STK31: variants seen among roughly 807,000 people sequenced by gnomAD.
STK31 encodes the protein serine/threonine kinase 31, also known as serine/threonine-protein kinase 31.
STK31 carries 89 observed loss-of-function variants against 129.7 expected under a neutral mutation model. The ratio of observed to expected loss-of-function variants is 0.69; its 90% CI spans 0.58 to 0.82. The LOEUF (loss-of-function observed/expected upper bound fraction) is 0.82. Ranked by LOEUF, STK31 falls within the 40% of genes least tolerant of loss-of-function variation. The pLI is 0.00. For missense variants in STK31, 1,187 were observed against 1,176.4 expected (o/e 1.01, Z -0.13); for synonymous variants, 448 against 395.3 (o/e 1.13, Z -1.58).
At chr7:23,729,974 G>T (rs1224019425) in intron 6 of STK31, among the ~76,000 whole-genome samples, 1 of 152,104 alleles carries the variant, frequency 6.6e-6, no homozygotes, top group African/African-American at 2.4e-5. Flanking sequence ...TATTATTTTG[G>T]CAGAGGCTCA....
At chr7:23,745,478 T>G (rs1760255217) in intron 8 of STK31, among the ~76,000 whole-genome samples, 1 of 152,196 alleles carries the variant, frequency 6.6e-6, no homozygotes, top group South Asian at 2.1e-4. Context: ...GAACATGTAC[T>G]TTGCTCTTAC....
chr7:23,815,159 CAGG>C lies in STK31; in HGVS notation c.2779_2781del (p.Glu927del). The C allele has an allele frequency of 6.2e-7, 1 of 1,600,344 alleles. No individual in the cohort carries two copies. Among genetic ancestry groups the C allele is most frequent in the Non-Finnish European group, 8.5e-7 (1 of 1,173,620 alleles). The stretch of plus-strand genomic sequence containing the variant: ...TCTTTCACAGCTTTCTGTTCAAAAT[CAGG>C]AGTTTGAGATAAATAAAGATGGAAT... On this transcript the variant is annotated inframe_deletion, in exon 23 of 24. Coordinates refer to ENST00000355870, the MANE Select transcript of STK31 (RefSeq NM_031414.5).
chr7:23,745,966 C>A (rs540923356), intron 8 of STK31, among the ~76,000 whole-genome samples: 1 of 152,118 alleles, frequency 6.6e-6, no homozygotes, highest in Non-Finnish European at 1.5e-5. Context: ...GTTCCTCTGC[C>A]GTAGGGAACA....
chr7:23,805,034 G>A (rs1446034908), intron 22 of STK31, among the ~76,000 whole-genome samples: 1 of 151,778 alleles, frequency 6.6e-6, no homozygotes, highest in Non-Finnish European at 1.5e-5. Flanking sequence ...GATAAGCTAT[G>A]GCCTGCCATT....
chr7:23,827,170 TG>T (rs1401146101), intron 23 of STK31, among the ~76,000 whole-genome samples: 1 of 152,250 alleles, frequency 6.6e-6, no homozygotes, highest in Non-Finnish European at 1.5e-5. Flanking sequence ...GAAGTTCTCC[TG>T]GATAATATGC....
intron 23 of STK31, among the ~76,000 whole-genome samples, chr7:23,830,720 A>C (rs1357539251): frequency 1.3e-5 from 2 of 151,718 alleles, no homozygotes; most frequent in Admixed American, 6.6e-5. Flanking sequence ...CATGGGTACA[A>C]GCAATTCTCC....
intron 22 of STK31, among the ~76,000 whole-genome samples, chr7:23,814,236 CT>C (rs1259691679): frequency 7.4e-6 from 1 of 135,236 alleles, no homozygotes; most frequent in African/African-American, 2.9e-5. Context: ...ACTAGTTTTT[CT>C]TCCTTTTTTA....
At chr7:23,734,849 C>T (rs1042666761) in intron 6 of STK31, among the ~76,000 whole-genome samples, 3 of 151,960 alleles carry the variant, frequency 2.0e-5, no homozygotes, top group Non-Finnish European at 2.9e-5. Context: ...CCAGTAGTCC[C>T]GGTTACTGGG....
chr7:23,790,806 A>G lies in STK31; in HGVS notation c.2638-18A>G. 1 of 1,577,330 alleles carries G rather than the reference A, an allele frequency of 6.3e-7. No individual in the cohort carries two copies. The highest frequency in any genetic ancestry group is 2.3e-5 in the East Asian group (1 of 43,742). On this transcript the variant is annotated intron_variant, in intron 21 of 23. Transcript: ENST00000355870. ...CAACTGTGTTGTATCTGAAATATGT[A>G]AAATATTGTTTTTGCAGAGTCAGCG...
At chr7:23,788,262 A>C (rs1229550897) in intron 21 of STK31, 133 bp downstream of exon 21, 11 of 766,390 alleles carry the variant, frequency 1.4e-5, no homozygotes, top group Non-Finnish European at 2.0e-5. Flanking sequence ...CATGTAGTAT[A>C]AGCAACTATT....
chr7:23,737,066 C>T lies in STK31; in HGVS notation c.1005C>T (p.Ala335=). ...TAGAATTGAAAGTAGAGCAGATTGCCCAGGAGCTGCAGGTATGTTCAGTGG... is the reference window on the plus strand; with the variant it reads ...TAGAATTGAAAGTAGAGCAGATTGCTCAGGAGCTGCAGGTATGTTCAGTGG... ...KALELKVEQI[A]QELQQEKAAA... is the part of the protein sequence containing the mutation. The change falls in exon 8 of 24, where the codon GCC becomes GCT. Residue 335 remains alanine (A), a synonymous_variant. Coordinates refer to ENST00000355870, the MANE Select transcript of STK31 (RefSeq NM_031414.5). 2 of 1,605,700 alleles carry T rather than the reference C, an allele frequency of 1.2e-6. No homozygotes were observed. The highest frequency in any genetic ancestry group is 1.1e-5 in the South Asian group (1 of 90,466).
chr7:23,829,461 A>G (rs1449041757), intron 23 of STK31, among the ~76,000 whole-genome samples: 1 of 152,214 alleles, frequency 6.6e-6, no homozygotes, highest in Non-Finnish European at 1.5e-5. Context: ...CCATCCTAGC[A>G]TCCCTGGGAT....
chr7:23,826,455 A>G (rs968889033), intron 23 of STK31, among the ~76,000 whole-genome samples: 6 of 151,980 alleles, frequency 3.9e-5, no homozygotes, highest in Admixed American at 3.9e-4. Context: ...TGCTTGGCAG[A>G]TCTTCCTCCA....
chr7:23,720,599 A>G (rs1251717613), intron 4 of STK31, among the ~76,000 whole-genome samples: 1 of 152,204 alleles, frequency 6.6e-6, no homozygotes, highest in East Asian at 1.9e-4. Flanking sequence ...GAAAATGTAA[A>G]GGGTCCATAC....
chr7:23,829,219 G>A (rs1794395364), intron 23 of STK31, among the ~76,000 whole-genome samples: 1 of 151,972 alleles, frequency 6.6e-6, no homozygotes, highest in Non-Finnish European at 1.5e-5. Context: ...CTAGAGGATT[G>A]CTTTTCTTTT....
chr7:23,733,775 C>G (rs1787564903), intron 6 of STK31, among the ~76,000 whole-genome samples: 1 of 151,854 alleles, frequency 6.6e-6, no homozygotes, highest in African/African-American at 2.4e-5. Context: ...CGCCACTGCA[C>G]TCCCACCTGG....
In STK31 at chr7:23,754,412, T is replaced by C. The variant is rs1788923425; in HGVS notation, c.1231T>C (p.Leu411=). 2 of 1,613,960 alleles carry C rather than the reference T, an allele frequency of 1.2e-6. No homozygotes were observed. The highest frequency in any genetic ancestry group is 1.7e-6 in the Non-Finnish European group (2 of 1,179,914). ...CFTTPASLNG[L]EIIWAEYSLA... is the part of the protein sequence containing the mutation. The stretch of plus-strand genomic sequence containing the variant: ...TACTACTCCAGCTTCTTTGAATGGA[T>C]TAGAGATAATATGGGCAGAATACAG... The change falls in exon 10 of 24, where the codon TTA becomes CTA. Residue 411 remains leucine, a synonymous_variant. Transcript: ENST00000355870.
intron 21 of STK31, 50 bp downstream of exon 21, chr7:23,788,179 T>A (rs1198461481): frequency 6.7e-7 from 1 of 1,502,550 alleles, no homozygotes; most frequent in Non-Finnish European, 8.9e-7. Flanking sequence ...TTTAATATTA[T>A]TAAGCAGTAG....
chr7:23,792,312 G>GT (rs1242740988), intron 22 of STK31, among the ~76,000 whole-genome samples: 2 of 152,050 alleles, frequency 1.3e-5, no homozygotes, highest in Non-Finnish European at 2.9e-5. Flanking sequence ...ATATAATTGT[G>GT]TTTTTATATA....
Sources: gnomAD v4.1 joint callset for allele counts (sites outside exome capture counted in the v4.1 genomes callset) on GRCh38, gnomAD v4.1.1 for gene constraint, MANE v1.5 for transcripts, NCBI Gene and HGNC (gene_info 2026-07-23, HGNC 2026-07-21) for gene names.